The following RPS6KC1 variants were observed in gnomAD, a reference collection of about 807,000 sequenced individuals.
RPS6KC1 encodes the protein inactive ribosomal protein S6 kinase delta-1.
RPS6KC1 carries 54 observed loss-of-function variants against 103.8 expected under a neutral mutation model. The ratio of observed to expected loss-of-function variants is 0.52; its 90% CI spans 0.42 to 0.65. The LOEUF is 0.65. Among genes scored for constraint, RPS6KC1 ranks in the 30% least tolerant of loss-of-function variants. The pLI, the probability that RPS6KC1 is intolerant of heterozygous loss-of-function variation, is 0.00. For missense variants in RPS6KC1, 1,151 were observed against 1,253.8 expected, an observed-to-expected ratio of 0.92 and a Z score of 1.24; for synonymous variants, 439 against 438.7, an observed-to-expected ratio of 1.00 and a Z score of -0.01.
At chr1:213,807,599 C>T in the RPS6KC1 span, among the ~76,000 whole-genome samples, 8 of 152,210 alleles carry the variant, frequency 5.3e-5, 1 homozygote, top group Admixed American at 4.6e-4. Context: ...GCATTCTTCA[C>T]GTAGTTCTTG....
chr1:213,526,304 T>G, the RPS6KC1 span, among the ~76,000 whole-genome samples: 6 of 152,106 alleles, frequency 3.9e-5, no homozygotes, highest in African/African-American at 1.4e-4. Context: ...GCACATGTGA[T>G]ATTGTTGGTT....
At chr1:213,073,794 G>A (rs921590409) in intron 2 of RPS6KC1, among the ~76,000 whole-genome samples, 1 of 152,042 alleles carries the variant, frequency 6.6e-6, no homozygotes, top group African/African-American at 2.4e-5. Flanking sequence ...TCCTGCCTCA[G>A]CCTCCTGAAT....
chr1:213,544,474 A>G, the RPS6KC1 span, among the ~76,000 whole-genome samples: 121,344 of 152,208 alleles, frequency 0.8, 49,104 homozygotes, highest in East Asian at 0.98. Flanking sequence ...CTCTGTTGCC[A>G]TTGCCAGCTC....
At chr1:213,202,009 A>G (rs72745842) in intron 8 of RPS6KC1, among the ~76,000 whole-genome samples, 3 of 152,166 alleles carry the variant, frequency 2.0e-5, no homozygotes, top group Non-Finnish European at 2.9e-5. Context: ...TGTGTACACC[A>G]TGCAGAATTC....
At chr1:213,312,363 C>T in the RPS6KC1 span, among the ~76,000 whole-genome samples, 1,238 of 152,230 alleles carry the variant, frequency 8.1e-3, 23 homozygotes, top group African/African-American at 0.027. Context: ...TATAATTCTT[C>T]GATTCTGGGT....
At chr1:213,339,592 T>A in the RPS6KC1 span, among the ~76,000 whole-genome samples, 1 of 152,240 alleles carries the variant, frequency 6.6e-6, no homozygotes, top group Non-Finnish European at 1.5e-5. Context: ...TCTCTTAAAC[T>A]CTGATTGCAT....
the RPS6KC1 span, among the ~76,000 whole-genome samples, chr1:213,784,708 A>G: frequency 6.6e-6 from 1 of 152,182 alleles, no homozygotes; most frequent in African/African-American, 2.4e-5. Context: ...GAGAGTGCCA[A>G]CTGGATGGCG....
the RPS6KC1 span, among the ~76,000 whole-genome samples, chr1:213,285,436 G>A: frequency 6.6e-6 from 1 of 152,136 alleles, no homozygotes. Flanking sequence ...ACCTAGTAGA[G>A]AATGTATTGT....
At chr1:213,338,033 C>T in the RPS6KC1 span, among the ~76,000 whole-genome samples, 1 of 152,064 alleles carries the variant, frequency 6.6e-6, no homozygotes, top group Non-Finnish European at 1.5e-5. Context: ...TATGTGGGAC[C>T]ATTGGGAAGG....
At chr1:213,589,429 C>T in the RPS6KC1 span, among the ~76,000 whole-genome samples, 178 of 152,188 alleles carry the variant, frequency 1.2e-3, 1 homozygote, top group African/African-American at 4.0e-3. Flanking sequence ...CACCTGAGGT[C>T]AGGAGTTTGA....
chr1:213,516,412 C>T, the RPS6KC1 span, among the ~76,000 whole-genome samples: 1 of 152,106 alleles, frequency 6.6e-6, no homozygotes, highest in East Asian at 1.9e-4. Context: ...CCATCAATAC[C>T]TAATTTATTG....
chr1:213,096,733 A>G (rs1196876341), intron 3 of RPS6KC1, among the ~76,000 whole-genome samples: 1 of 152,080 alleles, frequency 6.6e-6, no homozygotes, highest in Non-Finnish European at 1.5e-5. Flanking sequence ...AGGGTGGTGA[A>G]TCCTTTCCAG....
intron 8 of RPS6KC1, chr1:213,176,759 T>G (rs2091901174): frequency 4.1e-6 from 1 of 246,734 alleles, no homozygotes; most frequent in Non-Finnish European, 8.1e-6. Flanking sequence ...ATAGAAGTGT[T>G]ATAGCAGAGT....
the RPS6KC1 span, among the ~76,000 whole-genome samples, chr1:213,602,191 TCC>T: frequency 1.6e-4 from 14 of 88,884 alleles, no homozygotes; most frequent in African/African-American, 3.6e-4. Context: ...TCTTTCTTTT[TCC>T]CTCCCTCCCT....
chr1:213,437,242 G>A, the RPS6KC1 span, among the ~76,000 whole-genome samples: 2 of 151,854 alleles, frequency 1.3e-5, no homozygotes, highest in Admixed American at 1.3e-4. Context: ...ATTATTAAAT[G>A]TTTTTTCTGC....
At chr1:213,838,630 G>A in the RPS6KC1 span, among the ~76,000 whole-genome samples, 3 of 152,118 alleles carry the variant, frequency 2.0e-5, no homozygotes. Context: ...TGGTTAGTCA[G>A]GTATCCTGTT....
the RPS6KC1 span, among the ~76,000 whole-genome samples, chr1:213,434,673 C>G: frequency 6.6e-6 from 1 of 152,206 alleles, no homozygotes; most frequent in African/African-American, 2.4e-5. Flanking sequence ...CCAGGCTGGT[C>G]TCCAACTCCT....
the RPS6KC1 span, among the ~76,000 whole-genome samples, chr1:213,343,564 T>C: frequency 6.6e-6 from 1 of 151,018 alleles, no homozygotes; most frequent in Non-Finnish European, 1.5e-5. Context: ...CCAAACGTTG[T>C]ATGTTCTCAC....
At chr1:213,501,738 AAAAAAAAAG>A in the RPS6KC1 span, among the ~76,000 whole-genome samples, 1 of 152,070 alleles carries the variant, frequency 6.6e-6, no homozygotes, top group Non-Finnish European at 1.5e-5. Flanking sequence ...CCATCAAAAA[AAAAAAAAAG>A]AAAAAAAAGA....
Sources: allele counts gnomAD v4.1 joint callset (sites outside exome capture counted in the v4.1 genomes callset), GRCh38; gene constraint gnomAD v4.1.1; transcripts MANE v1.5; gene names NCBI Gene and HGNC (gene_info 2026-07-23, HGNC 2026-07-21).